The following ZFYVE19 variants were observed in gnomAD, a reference collection of about 807,000 sequenced individuals.
The protein encoded by ZFYVE19 is abscission/NoCut checkpoint regulator.
In ZFYVE19, 49 loss-of-function variants were observed where a neutral mutation model predicts 62.8. The ratio of observed to expected loss-of-function variants is 0.78; its 90% CI spans 0.62 to 0.99. The LOEUF (loss-of-function observed/expected upper bound fraction) is 0.99, where lower values mean the gene tolerates loss of function less well. Ranked by LOEUF, ZFYVE19 falls within the 50% of genes least tolerant of loss-of-function variation. The pLI, the probability that ZFYVE19 is intolerant of heterozygous loss-of-function variation, is 0.00. For synonymous variants in ZFYVE19, 242 were observed against 234.3 expected, an observed-to-expected ratio of 1.03 and a Z score of -0.30; for missense variants, 630 against 601.9, an observed-to-expected ratio of 1.05 and a Z score of -0.49.
chr15:40,812,228 A>G (rs1480805045), intron 6 of ZFYVE19, among the ~76,000 whole-genome samples: 1 of 152,198 alleles, frequency 6.6e-6, no homozygotes. Flanking sequence ...AGTGCTGAGC[A>G]AAAAGCTGAT....
At position 40,813,437 on chromosome 15, in the gene ZFYVE19, C is replaced by T; in HGVS notation, c.1110+20C>T. ...CAGCAGGTGGGCCTGGATTACCCAC[C>T]TGCCACCCCTTGTCCCGTCTCCGCC... On this transcript the variant is annotated intron_variant, in intron 8 of 10. Coordinates refer to ENST00000355341, the MANE Select transcript of ZFYVE19 (RefSeq NM_001077268.2). The T allele has an allele frequency of 6.3e-7, 1 of 1,584,486 alleles. No individual in the cohort carries two copies. The highest frequency in any genetic ancestry group is 8.6e-7 in the Non-Finnish European group (1 of 1,165,020).
At chr15:40,807,959 C>G (rs1288463302) in intron 1 of ZFYVE19, 91 bp downstream of exon 1, 2 of 1,455,208 alleles carry the variant, frequency 1.4e-6, no homozygotes, top group Non-Finnish European at 1.9e-6. Context: ...TCTTACGGCT[C>G]CTTTCCAGCT....
chr15:40,808,134 T>TAATTTTTTTTTTTTTTTTTTGAGACGGAG, intron 1 of ZFYVE19: 1 of 1,485,932 alleles, frequency 6.7e-7, no homozygotes, highest in South Asian at 1.2e-5. Flanking sequence ...AGCTACTCTT[T>TAATTTTTTTTTTTTTTTTTTGAGACGGAG]TCTGTCGGCC....
rs746142470 is a variant in ZFYVE19, at chr15:40,809,260, G to A, written c.401+20G>A. On this transcript the variant is annotated intron_variant, in intron 2 of 10. Coordinates refer to ENST00000355341, the MANE Select transcript of ZFYVE19 (RefSeq NM_001077268.2). ...GACCAGGTAAGAGGCAGGCATGGGT[G>A]AAAGTTCAGCCAAGTATGGCAGTGG... 3.1e-6 allele frequency: 5 copies of A among 1,613,536 alleles called. No individual in the cohort carries two copies. The East Asian group carries it at 1.1e-4, about 36-fold the overall frequency.
At chr15:40,811,421 G>C (rs781374397) in intron 6 of ZFYVE19, among the ~76,000 whole-genome samples, 1 of 152,184 alleles carries the variant, frequency 6.6e-6, no homozygotes, top group Non-Finnish European at 1.5e-5. Flanking sequence ...CAACCCAGAG[G>C]ATATTACTGG....
In ZFYVE19 at chr15:40,810,708, G is replaced by A. The variant is rs763771576; in HGVS notation, c.777G>A (p.Gln259=). ...AGCAGACACAGGATCTGCTAACGCA[G>A]CTGGCAGCTGAGGTGGCTATCGATG... ...QAQQTQDLLT[Q]LAAEVAIDES... Residue 259 remains glutamine, a synonymous_variant, in exon 6 of 11, where the codon CAG becomes CAA. Transcript: ENST00000355341. The A allele has an allele frequency of 4.4e-6, 7 of 1,575,654 alleles. No homozygotes were observed. Among genetic ancestry groups the A allele is most frequent in the Non-Finnish European group, 6.0e-6 (7 of 1,160,424 alleles).
rs752571654 is a variant in ZFYVE19, at chr15:40,810,175, G to C, written c.676G>C (p.Ala226Pro). The change falls in exon 5 of 11, where the codon GCG becomes CCG. Residue 226 changes from alanine (A) to proline (P), a missense_variant. By Grantham distance (27) the Ala-to-Pro change is conservative. Coordinates refer to ENST00000355341, the MANE Select transcript of ZFYVE19 (RefSeq NM_001077268.2). ...CCAGGAAATGGAGGCACGACTTGCA[G>C]CGTTGCAGGGCAGAGTTCTACCTTC... is the stretch of plus-strand genomic sequence containing the variant. ...STQEMEARLAALQGRVLPSQT... is the reference protein window; with the variant it reads ...STQEMEARLAPLQGRVLPSQT... The C allele has an allele frequency of 1.2e-6, 2 of 1,614,102 alleles. No individual in the cohort carries two copies. Among genetic ancestry groups the C allele is most frequent in the African/African-American group, 2.7e-5 (2 of 74,934 alleles).
chr15:40,812,329 C>A (rs550266166), intron 6 of ZFYVE19, among the ~76,000 whole-genome samples: 27 of 152,072 alleles, frequency 1.8e-4, no homozygotes, highest in African/African-American at 6.3e-4. Flanking sequence ...GGGTGGATCA[C>A]GAGGTCAGGA....
At chr15:40,813,099 G>A (rs1890547621) in intron 7 of ZFYVE19, among the ~76,000 whole-genome samples, 197 bp downstream of exon 7, 1 of 152,120 alleles carries the variant, frequency 6.6e-6, no homozygotes, top group Non-Finnish European at 1.5e-5. Context: ...GTCCATTCAG[G>A]GGCTGAGGCT....
At position 40,810,645 on chromosome 15, in the gene ZFYVE19, G is replaced by A; in HGVS notation, c.718-4G>A. The A allele has an allele frequency of 6.4e-7, 1 of 1,561,638 alleles. No homozygotes were observed. Among genetic ancestry groups the A allele is most frequent in the Non-Finnish European group, 8.7e-7 (1 of 1,152,610 alleles). ...TCTCCACTGAGGTTTCCTCGTCTGT[G>A]CAGGCACATCACACACCGGACACCA... is the stretch of plus-strand genomic sequence containing the variant. On this transcript the variant is annotated splice_region_variant and splice_polypyrimidine_tract_variant and intron_variant, in intron 5 of 10. Coordinates refer to ENST00000355341, the MANE Select transcript of ZFYVE19 (RefSeq NM_001077268.2).
In ZFYVE19 at chr15:40,813,740, G is replaced by A. The variant is rs1890573218; in HGVS notation, c.1138G>A (p.Ala380Thr). 6.2e-7 allele frequency: 1 copy of A among 1,613,966 alleles called. No individual in the cohort carries two copies. ...QLTEEASLDEASGFNIPAEQA... is the reference protein window; with the variant it reads ...QLTEEASLDETSGFNIPAEQA... ...CACTGAAGAAGCTTCCCTGGATGAGGCAAGTGGCTTTAACATCCCTGCAGA... is the reference window on the plus strand; with the variant it reads ...CACTGAAGAAGCTTCCCTGGATGAGACAAGTGGCTTTAACATCCCTGCAGA... The change falls in exon 9 of 11, where the codon GCA becomes ACA. Residue 380 changes from alanine (A) to threonine (T), a missense_variant. By Grantham distance (58) the Ala-to-Thr change is moderately conservative. Coordinates refer to ENST00000355341, the MANE Select transcript of ZFYVE19 (RefSeq NM_001077268.2).
chr15:40,812,898 G>C lies in ZFYVE19; in HGVS notation c.1026G>C (p.Glu342Asp). The C allele has an allele frequency of 6.2e-7, 1 of 1,610,246 alleles. No individual in the cohort carries two copies. Among genetic ancestry groups the C allele is most frequent in the Non-Finnish European group, 8.5e-7 (1 of 1,179,832 alleles). The part of the protein sequence containing the change: ...RLAMLRGQDP[E>D]RVTLQDYRLP... ...CCATGCTGCGGGGACAGGACCCCGA[G>C]AGAGGTGAAGGCTGGGGAGCAGCTG... The change falls in exon 7 of 11, where the codon GAG becomes GAC. Residue 342 changes from glutamate (E) to aspartate (D), a missense_variant. Physicochemically the swap from Glu to Asp is conservative, Grantham distance 45. Coordinates refer to ENST00000355341, the MANE Select transcript of ZFYVE19 (RefSeq NM_001077268.2).
chr15:40,808,076 G>A (rs1461236901), intron 1 of ZFYVE19: 3 of 929,214 alleles, frequency 3.2e-6, no homozygotes, highest in Non-Finnish European at 4.7e-6. Context: ...AGTGCTTTAG[G>A]TGAGAGTTCC....
intron 6 of ZFYVE19, 139 bp from the exon 7 acceptor site, chr15:40,812,560 A>G: frequency 3.1e-6 from 1 of 325,768 alleles, no homozygotes; most frequent in Non-Finnish European, 5.1e-6. Context: ...AAAAAAAAAA[A>G]GAAAGAAAGA....
intron 6 of ZFYVE19, 140 bp downstream of exon 6, chr15:40,810,897 T>G: frequency 8.8e-7 from 1 of 1,141,336 alleles, no homozygotes; most frequent in South Asian, 1.6e-5. Flanking sequence ...ATTGAGTGCT[T>G]ACTCCAAAGG....
rs759444883 is a variant in ZFYVE19 at position 40,813,755 on chromosome 15, A to G, written c.1153A>G (p.Ile385Val). 2 of 1,613,978 alleles carry G rather than the reference A, an allele frequency of 1.2e-6. No homozygotes were observed. Among genetic ancestry groups the G allele is most frequent in the Admixed American group, 1.7e-5 (1 of 59,984 alleles). Reference protein sequence around the residue: ...ASLDEASGFNIPAEQASRPWT... With the variant: ...ASLDEASGFNVPAEQASRPWT... ...CCTGGATGAGGCAAGTGGCTTTAAC[A>G]TCCCTGCAGAGCAGGCTTCTCGACC... is the stretch of plus-strand genomic sequence containing the variant. The change falls in exon 9 of 11, where the codon ATC becomes GTC. Residue 385 changes from isoleucine to valine, a missense_variant. Coordinates refer to ENST00000355341, the MANE Select transcript of ZFYVE19 (RefSeq NM_001077268.2).
Position 40,814,110 on chromosome 15 carries a change from C to A in ZFYVE19, c.1338-38C>A, listed in dbSNP as rs182081313. 9.3e-6 allele frequency: 15 copies of A among 1,614,210 alleles called. No homozygotes were observed. The African/African-American group carries it at 1.7e-4, about 19-fold the overall frequency. On this transcript the variant is annotated intron_variant, in intron 10 of 10. Transcript: ENST00000355341. ...AATGTTCTGTGCGAGAGCTCAAGGG[C>A]TGCCTGGATCCCTGACTTGTATCCC...
At chr15:40,809,048 C>T in intron 1 of ZFYVE19, 71 bp from the exon 2 acceptor site, 2 of 1,590,322 alleles carry the variant, frequency 1.3e-6, no homozygotes, top group East Asian at 2.3e-5. Context: ...TCTGTGTGTG[C>T]TTGGAGAGTC....
chr15:40,814,257 C>T lies in ZFYVE19; in HGVS notation c.*31C>T, dbSNP rs371877153. 1.9e-6 allele frequency: 3 copies of T among 1,612,090 alleles called. No homozygotes were observed. Among genetic ancestry groups the T allele is most frequent in the Non-Finnish European group, 2.5e-6 (3 of 1,179,416 alleles). ...CCCTGGTCCTCCCGGAAGGGCAGTC[C>T]CACAGGCAGCGGCACCCATTTCTGG... On this transcript the variant is annotated 3_prime_UTR_variant, in exon 11 of 11. Coordinates refer to ENST00000355341, the MANE Select transcript of ZFYVE19 (RefSeq NM_001077268.2).
Sources: allele counts gnomAD v4.1 joint callset (sites outside exome capture counted in the v4.1 genomes callset), GRCh38; gene constraint gnomAD v4.1.1; transcripts MANE v1.5; gene names NCBI Gene and HGNC (gene_info 2026-07-23, HGNC 2026-07-21).